ITGA11: variants seen among roughly 807,000 people sequenced by gnomAD.
ITGA11 encodes the protein integrin subunit alpha 11.
In ITGA11, 97 loss-of-function variants were observed where a neutral mutation model predicts 141.9. The ratio of observed to expected loss-of-function variants is 0.68; its 90% CI spans 0.58 to 0.81. The LOEUF (loss-of-function observed/expected upper bound fraction) is 0.81. Among genes scored for constraint, ITGA11 ranks in the 30% least tolerant of loss-of-function variants. ITGA11 has a pLI of 0.00. For missense variants in ITGA11, 1,387 were observed against 1,559.2 expected, an observed-to-expected ratio of 0.89 and a Z score of 1.86; for synonymous variants, 658 against 624.6, an observed-to-expected ratio of 1.05 and a Z score of -0.80.
rs1456960388 is a variant in ITGA11 at position 68,299,208 on chromosome 15, A to G, written c.*3851T>C. 1.3e-5 allele frequency: 2 copies of G among 152,114 alleles called. No individual in the cohort carries two copies. The highest frequency in any genetic ancestry group is 2.9e-5 in the Non-Finnish European group (2 of 68,032). 9.4% of individuals were successfully genotyped at this position (152,114 alleles called of 1,614,324 possible). On this transcript the variant is annotated 3_prime_UTR_variant, in exon 30 of 30. Transcript: ENST00000315757. ...TTTAGTGTCCAGGTGCAAGGCTTAC[A>G]ATTCCCTCCTCATGCTAAATCAGCA...
intron 1 of ITGA11, among the ~76,000 whole-genome samples, chr15:68,426,259 C>A (rs576150353): frequency 6.6e-6 from 1 of 152,222 alleles, no homozygotes; most frequent in Non-Finnish European, 1.5e-5. Context: ...CTTATTAGTG[C>A]GGTTCAGCAT....
chr15:68,302,523 G>A lies in ITGA11; in HGVS notation c.*536C>T, dbSNP rs1122247. ...GCCCTTGCTCTTGGGTTCATTCTTC[G>A]GGAGCCCCAGGGGCCTATCTATGGG... On this transcript the variant is annotated 3_prime_UTR_variant, in exon 30 of 30. Transcript: ENST00000315757. The A allele has an allele frequency of 0.29, 43,768 of 152,566 alleles. 6,729 individuals are homozygous for A. The highest frequency in any genetic ancestry group is 0.34 in the Non-Finnish European group (23,085 of 68,098). The allele number at this position is 152,566 out of a possible 1,614,324, so 9.5% of individuals were successfully genotyped here.
In ITGA11 at chr15:68,367,580, A is replaced by T. The variant is rs998771499; in HGVS notation, c.265+1604T>A. On this transcript the variant is annotated intron_variant, in intron 3 of 29. Coordinates refer to ENST00000315757, the MANE Select transcript of ITGA11 (RefSeq NM_001004439.2). The stretch of plus-strand genomic sequence containing the variant: ...CCACTCTTATTACAGCACCTGGTTT[A>T]TTGCACAGCATTGATCCCTGCCTAA... Among the ~76,000 whole-genome samples, 8 of 152,088 alleles carry T rather than the reference A, an allele frequency of 5.3e-5. No homozygotes were observed. In the East Asian group the frequency reaches 1.5e-3, roughly 29 times the overall value.
At chr15:68,315,753 G>T (rs752950215) in intron 21 of ITGA11, 26 bp from the exon 22 acceptor site, 3 of 1,578,596 alleles carry the variant, frequency 1.9e-6, no homozygotes, top group Non-Finnish European at 2.6e-6. Context: ...CGCATGTCTG[G>T]GCATTGCTGG....
rs767161650 is a variant in ITGA11 at position 68,313,881 on chromosome 15, C to A, written c.2793-13G>T. The A allele has an allele frequency of 6.2e-6, 10 of 1,611,856 alleles. No homozygotes were observed. Among genetic ancestry groups the A allele is most frequent in the Non-Finnish European group, 4.2e-6 (5 of 1,178,070 alleles). On this transcript the variant is annotated splice_polypyrimidine_tract_variant and intron_variant, in intron 22 of 29. Transcript: ENST00000315757. ...CTCATTACTGTCACTGCAAGGAGAG[C>A]CAGGCGGCAAGGTCAGGAAGGGGCT...
chr15:68,371,579 G>A (rs534447535), intron 2 of ITGA11, among the ~76,000 whole-genome samples: 7 of 152,174 alleles, frequency 4.6e-5, no homozygotes, highest in South Asian at 2.1e-4. Flanking sequence ...GTAGCTGGGC[G>A]TGGTGGTGGG....
intron 4 of ITGA11, among the ~76,000 whole-genome samples, chr15:68,362,147 C>G (rs114518375): frequency 6.6e-6 from 1 of 152,128 alleles, no homozygotes. Context: ...GGACTGGGTC[C>G]CAAAAACATG....
At chr15:68,332,560 A>C in intron 12 of ITGA11, 82 bp from the exon 13 acceptor site, 3 of 1,484,406 alleles carry the variant, frequency 2.0e-6, no homozygotes, top group East Asian at 2.4e-5. Context: ...GGCAGAGGGA[A>C]GCCAAGGTCA....
Position 68,431,901 on chromosome 15 carries a change from T to C in ITGA11, c.52+114A>G, listed in dbSNP as rs143474988. ...GGGGACCCACGTCCCCAAGAGCAGCTGAGGTCTGACCCTGGGAGGAGGGTC... is the reference window on the plus strand; with the variant it reads ...GGGGACCCACGTCCCCAAGAGCAGCCGAGGTCTGACCCTGGGAGGAGGGTC... On this transcript the variant is annotated intron_variant, in intron 1 of 29. Coordinates refer to ENST00000315757, the MANE Select transcript of ITGA11 (RefSeq NM_001004439.2). 3.7e-3 allele frequency: 2,584 copies of C among 689,848 alleles called. 50 individuals are homozygous for C. The African/African-American group carries it at 0.04, about 11-fold the overall frequency. 42.7% of individuals were successfully genotyped at this position (689,848 alleles called of 1,614,324 possible).
At chr15:68,352,191 T>TC (rs199613166) in intron 7 of ITGA11, among the ~76,000 whole-genome samples, 1 of 131,452 alleles carries the variant, frequency 7.6e-6, no homozygotes, top group African/African-American at 3.1e-5. Context: ...TGGATATTAG[T>TC]TTTTTTTTTT....
rs1415805669 is a variant in ITGA11, at chr15:68,320,188, C to G, written c.2613G>C (p.Gln871His). The change falls in exon 20 of 30, where the codon CAG (glutamine) becomes CAC (histidine). Residue 871 changes from glutamine to histidine, a missense_variant. Gln to His is a conservative substitution (Grantham distance 24). Coordinates refer to ENST00000315757, the MANE Select transcript of ITGA11 (RefSeq NM_001004439.2). ...GGGCAGGTCGCTGAGGTCTTACCTT[C>G]TGGATCAAGCTGGCAAACTGCAGGT... is the stretch of plus-strand genomic sequence containing the variant. ...SANLQFASLI[Q>H]KEDSDGSIEC... 6.2e-7 allele frequency: 1 copy of G among 1,613,832 alleles called. No homozygotes were observed. Among genetic ancestry groups the G allele is most frequent in the Non-Finnish European group, 8.5e-7 (1 of 1,179,874 alleles).
At position 68,303,636 on chromosome 15, in the gene ITGA11, T is replaced by C. The variant is rs1893098289; in HGVS notation, c.3495+136A>G. 1.7e-6 allele frequency: 1 copy of C among 596,436 alleles called. No homozygotes were observed. Among genetic ancestry groups the C allele is most frequent in the African/African-American group, 1.9e-5 (1 of 53,026 alleles). 36.9% of individuals were successfully genotyped at this position (596,436 alleles called of 1,614,324 possible). A position where few individuals can be genotyped will look rare whatever the true frequency, so the allele number is the denominator to read the frequency against. The stretch of plus-strand genomic sequence containing the variant: ...TGCCGTCTGTTGGCCCTAACCAGTG[T>C]GTCTGCTATGGCGAGGGGTGGGGTG... On this transcript the variant is annotated intron_variant, in intron 29 of 29. Coordinates refer to ENST00000315757, the MANE Select transcript of ITGA11 (RefSeq NM_001004439.2). The surrounding 1 kb of genome is among the most constrained non-coding windows in gnomAD (Gnocchi z 5.3).
chr15:68,369,044 G>A (rs1032622172), intron 3 of ITGA11, 140 bp downstream of exon 3: 1 of 653,804 alleles, frequency 1.5e-6, no homozygotes. Context: ...GTGTAAAGTG[G>A]GGGCAGTGAT....
rs528843196 is a variant in ITGA11 at position 68,325,226 on chromosome 15, C to T, written c.2227G>A (p.Val743Met). The T allele has an allele frequency of 1.5e-5, 25 of 1,613,522 alleles. No homozygotes were observed. The highest frequency in any genetic ancestry group is 4.4e-5 in the South Asian group (4 of 91,062). The change falls in exon 18 of 30, where the codon GTG becomes ATG. Residue 743 changes from valine to methionine, a missense_variant. Val to Met is a conservative substitution (Grantham distance 21). Transcript: ENST00000315757. This position sits in a 1 kb window ranked among gnomAD's most constrained non-coding sequence, Gnocchi z 5.5. ...TCGACTGAGAAGGTCACTGGCTTCA[C>T]GTAGTCAGCAGTGTCCTGGGGGGTG... ...NFHVLDTADY[V>M]KPVTFSVEYS...
Position 68,307,537 on chromosome 15 carries a change from C to T in ITGA11, c.3285+49G>A, listed in dbSNP as rs2271721. On this transcript the variant is annotated intron_variant, in intron 27 of 29. Transcript: ENST00000315757. This position sits in a 1 kb window ranked among gnomAD's most constrained non-coding sequence, Gnocchi z 6.1. ...CCCAGGTGGAAGACATCCCAACAGCCGCCCCCTTTCCCTTCTTCCTTCCAG... is the reference window on the plus strand; with the variant it reads ...CCCAGGTGGAAGACATCCCAACAGCTGCCCCCTTTCCCTTCTTCCTTCCAG... 32,249 of 1,528,282 alleles carry T rather than the reference C, an allele frequency of 0.021. 484 individuals carry two copies. The highest frequency in any genetic ancestry group is 0.07 in the African/African-American group (5,158 of 73,274). The allele number at this position is 1,528,282 out of a possible 1,614,324, so 94.7% of individuals were successfully genotyped here. A position where few individuals can be genotyped will look rare whatever the true frequency, so the allele number is the denominator to read the frequency against.
At chr15:68,412,233 G>A (rs550993459) in intron 1 of ITGA11, among the ~76,000 whole-genome samples, 2 of 152,258 alleles carry the variant, frequency 1.3e-5, no homozygotes, top group Admixed American at 1.3e-4. Context: ...AGGAGAAGAG[G>A]AGCTGGGGAT....
At chr15:68,331,133 G>A (rs770182114) in intron 14 of ITGA11, 22 bp from the exon 15 acceptor site, 3 of 1,575,572 alleles carry the variant, frequency 1.9e-6, no homozygotes, top group Non-Finnish European at 2.6e-6. Flanking sequence ...GGGAAGAGAG[G>A]GGGAGGGCAT....
Position 68,381,574 on chromosome 15 carries a change from G to A in ITGA11, c.165-12290C>T, listed in dbSNP as rs532891379. Reference sequence around the variant, plus strand: ...CAGCATTCCAATTTTTTTTTTTTTTGAGACAGAGTCTTGCTCTGTTGCCCA... The same window carrying A: ...CAGCATTCCAATTTTTTTTTTTTTTAAGACAGAGTCTTGCTCTGTTGCCCA... On this transcript the variant is annotated intron_variant, in intron 2 of 29. Coordinates refer to ENST00000315757, the MANE Select transcript of ITGA11 (RefSeq NM_001004439.2). Among the ~76,000 whole-genome samples the A allele has an allele frequency of 9.7e-5, 13 of 134,564 alleles. No individual in the cohort carries two copies. The East Asian group carries it at 2.6e-3, about 27-fold the overall frequency. 88.3% of individuals were successfully genotyped at this position (134,564 alleles called of 152,430 possible).
At position 68,325,574 on chromosome 15, in the gene ITGA11, C is replaced by T. The variant is rs1457312356; in HGVS notation, c.2212-333G>A. 2.6e-5 allele frequency among the ~76,000 whole-genome samples: 4 copies of T among 152,212 alleles called. No individual in the cohort carries two copies. The highest frequency in any genetic ancestry group is 4.4e-5 in the Non-Finnish European group (3 of 68,044). Reference sequence around the variant, plus strand: ...GGCAGTGCCCGCCTGTATCCCACCCCACCCACCACTCTCTTCAGACCAGTT... The same window carrying T: ...GGCAGTGCCCGCCTGTATCCCACCCTACCCACCACTCTCTTCAGACCAGTT... On this transcript the variant is annotated intron_variant, in intron 17 of 29. Transcript: ENST00000315757. The surrounding 1 kb of genome is among the most constrained non-coding windows in gnomAD (Gnocchi z 5.5).
Sources: gnomAD v4.1 joint callset for allele counts (sites outside exome capture counted in the v4.1 genomes callset) on GRCh38, gnomAD v4.1.1 for gene constraint, Gnocchi (gnomAD v3.1) non-coding constraint, MANE v1.5 for transcripts, NCBI Gene and HGNC (gene_info 2026-07-23, HGNC 2026-07-21) for gene names.